Variants in ANK1 observed in about 807,000 individuals in gnomAD.
ANK1 encodes ankyrin 1, also known as ankyrin-1.
Under a neutral mutation model 210.4 loss-of-function variants are expected in ANK1, and 51 were observed. That is an observed-to-expected ratio of 0.24 (90% CI 0.19 to 0.31). The LOEUF is 0.31. Ranked by LOEUF, ANK1 falls within the 10% of genes least tolerant of loss-of-function variation. ANK1 has a pLI of 1.00. For synonymous variants in ANK1, 967 were observed against 1,025.9 expected, an observed-to-expected ratio of 0.94 and a Z score of 1.10; for missense variants, 2,051 against 2,504.4, an observed-to-expected ratio of 0.82 and a Z score of 3.86.
At chr8:41,837,864 C>T (rs1185845787) in intron 1 of ANK1, among the ~76,000 whole-genome samples, 1 of 151,312 alleles carries the variant, frequency 6.6e-6, no homozygotes, top group Non-Finnish European at 1.5e-5. Context: ...GAGCGAGACG[C>T]ATCTCAAAAA....
rs539604804 is a variant in ANK1, at chr8:41,774,737, G to A, written c.28-16600C>T. On this transcript the variant is annotated intron_variant, in intron 1 of 42. Transcript: ENST00000289734. Reference sequence around the variant, plus strand: ...CCTAAATAGAATTCCAAGTGCACCCGCATCACCAAGCACCCTGGCCCACGC... The same window carrying A: ...CCTAAATAGAATTCCAAGTGCACCCACATCACCAAGCACCCTGGCCCACGC... Among the ~76,000 whole-genome samples, 53 of 152,330 alleles carry A rather than the reference G, an allele frequency of 3.5e-4. 1 individual carries two copies. Among genetic ancestry groups the A allele is most frequent in the Middle Eastern group, 3.4e-3 (1 of 294 alleles).
intron 1 of ANK1, among the ~76,000 whole-genome samples, chr8:41,804,591 G>A (rs565004448): frequency 2.2e-4 from 33 of 152,096 alleles, no homozygotes; most frequent in Admixed American, 1.9e-3. Context: ...TTAATTGCCC[G>A]CAAAATAATC....
chr8:41,795,466 AC>A (rs1414692989), intron 1 of ANK1, among the ~76,000 whole-genome samples: 4 of 152,090 alleles, frequency 2.6e-5, no homozygotes, highest in African/African-American at 9.7e-5. Context: ...CCAACATCAC[AC>A]CACTGCACTC....
chr8:41,795,382 A>C (rs1327503046), intron 1 of ANK1, among the ~76,000 whole-genome samples: 1 of 152,106 alleles, frequency 6.6e-6, no homozygotes, highest in Non-Finnish European at 1.5e-5. Flanking sequence ...GGTGGCACGC[A>C]CTTGTAGTCC....
chr8:41,888,574 C>T (rs10504046), intron 1 of ANK1, among the ~76,000 whole-genome samples: 36,021 of 152,126 alleles, frequency 0.24, 4,519 homozygotes, highest in Non-Finnish European at 0.26. Flanking sequence ...AGCTAAAGGC[C>T]CAGATAACAG....
intron 1 of ANK1, among the ~76,000 whole-genome samples, chr8:41,861,592 C>G (rs1404567671): frequency 1.3e-5 from 2 of 152,232 alleles, no homozygotes; most frequent in Non-Finnish European, 2.9e-5. Context: ...GTGGTGAGTG[C>G]TCACTCGGTG....
intron 1 of ANK1, among the ~76,000 whole-genome samples, chr8:41,780,329 C>G (rs1586897038): frequency 6.6e-6 from 1 of 152,220 alleles, no homozygotes; most frequent in African/African-American, 2.4e-5. Flanking sequence ...CCAGCCTCTT[C>G]TTGATTTTTG....
rs1426799357 is a variant in ANK1, at chr8:41,696,435, G to A, written c.2888C>T (p.Pro963Leu). Residue 963 changes from proline to leucine, a missense_variant, in exon 26 of 43, where the codon CCC becomes CTC. Transcript: ENST00000289734. ...LVKPQKLSTP[P>L]PLAEEEGLAS... Reference sequence around the variant, plus strand: ...CAGGCCCTCCTCCTCGGCCAGTGGGGGCGGCGTGCTGAGCTTCTGGGGCTT... The same window carrying A: ...CAGGCCCTCCTCCTCGGCCAGTGGGAGCGGCGTGCTGAGCTTCTGGGGCTT... 2 of 1,613,282 alleles carry A rather than the reference G, an allele frequency of 1.2e-6. No homozygotes were observed. The highest frequency in any genetic ancestry group is 1.7e-6 in the Non-Finnish European group (2 of 1,179,844).
chr8:41,781,678 G>C (rs528876826), intron 1 of ANK1, among the ~76,000 whole-genome samples: 2 of 152,330 alleles, frequency 1.3e-5, no homozygotes, highest in Admixed American at 6.5e-5. Context: ...CACCCCACTG[G>C]AGTCTGCACA....
chr8:41,696,359 T>TCAC lies in ANK1; in HGVS notation c.2960+1_2960+3dup. ...GAGAACACGGGCTGCCCGCGCAAGC[T>TCAC]CACCTCAGGAACTGTGCCCCCGTGG... is the stretch of plus-strand genomic sequence containing the variant. On this transcript the variant is annotated splice_donor_region_variant and intron_variant, in intron 26 of 42. Coordinates refer to ENST00000289734, the MANE Select transcript of ANK1 (RefSeq NM_000037.4). The TCAC allele has an allele frequency of 6.2e-7, 1 of 1,613,122 alleles. No individual in the cohort carries two copies. The highest frequency in any genetic ancestry group is 8.5e-7 in the Non-Finnish European group (1 of 1,179,928).
At chr8:41,690,989 A>T (rs1485143920) in intron 31 of ANK1, among the ~76,000 whole-genome samples, 1 of 152,196 alleles carries the variant, frequency 6.6e-6, no homozygotes, top group Non-Finnish European at 1.5e-5. Context: ...TTAGAAGGCC[A>T]AAGTGGGAAG....
intron 1 of ANK1, among the ~76,000 whole-genome samples, chr8:41,847,926 T>G (rs1458224422): frequency 6.6e-6 from 1 of 152,164 alleles, no homozygotes; most frequent in Non-Finnish European, 1.5e-5. Context: ...CCCAGCACTT[T>G]GGGAGGCCGA....
intron 2 of ANK1, among the ~76,000 whole-genome samples, chr8:41,749,068 C>T (rs1016304033): frequency 4.6e-5 from 7 of 151,778 alleles, no homozygotes; most frequent in East Asian, 1.9e-4. Context: ...AATGATTACA[C>T]GGACAAAAAC....
intron 1 of ANK1, among the ~76,000 whole-genome samples, chr8:41,812,992 C>T (rs1802736844): frequency 6.6e-6 from 1 of 152,216 alleles, no homozygotes; most frequent in East Asian, 1.9e-4. Flanking sequence ...TTTTTAAGTC[C>T]AGAAACTGAG....
chr8:41,895,623 C>T (rs575101360), intron 1 of ANK1, among the ~76,000 whole-genome samples: 5 of 152,242 alleles, frequency 3.3e-5, no homozygotes, highest in African/African-American at 1.2e-4. Flanking sequence ...TCTGACCAGG[C>T]CTTTGGGCCA....
chr8:41,892,507 T>G (rs1819650174), intron 1 of ANK1, among the ~76,000 whole-genome samples: 1 of 152,204 alleles, frequency 6.6e-6, no homozygotes. Context: ...GTGCAAACAC[T>G]GTTGTTGTTA....
In ANK1 at chr8:41,704,554, AAG is replaced by A; in HGVS notation, c.2098-84_2098-83del. 1 of 1,257,216 alleles carries A rather than the reference AAG, an allele frequency of 8.0e-7. No individual in the cohort carries two copies. The highest frequency in any genetic ancestry group is 1.7e-5 in the Admixed American group (1 of 57,342). The allele number at this position is 1,257,216 out of a possible 1,614,324, so 77.9% of individuals were successfully genotyped here. A position where few individuals can be genotyped will look rare whatever the true frequency, so the allele number is the denominator to read the frequency against. On this transcript the variant is annotated intron_variant, in intron 18 of 42. Coordinates refer to ENST00000289734, the MANE Select transcript of ANK1 (RefSeq NM_000037.4). This position sits in a 1 kb window ranked among gnomAD's most constrained non-coding sequence, Gnocchi z 4.1. ...AATCCTTCCCAAAGCAGCTGATTCA[AAG>A]AGAGAACGGACAGGGAGCCCCTTGA...
At chr8:41,664,033 T>C in intron 39 of ANK1, 2 of 562,592 alleles carry the variant, frequency 3.6e-6, no homozygotes, top group South Asian at 3.1e-5. Flanking sequence ...TATGCAAGTC[T>C]GACGGAGGAG....
At position 41,838,663 on chromosome 8, in the gene ANK1, G is replaced by A. The variant is rs1277559707; in HGVS notation, c.126+57692C>T. On this transcript the variant is annotated intron_variant, in intron 1 of 42. Transcript: ENST00000265709. ...TGCCTGTAATCCCAGCTACTCAGGA[G>A]GCTGGGCAGGAGAATCGCTTGAACC... Among the ~76,000 whole-genome samples, 6 of 151,968 alleles carry A rather than the reference G, an allele frequency of 3.9e-5. No homozygotes were observed. The East Asian group carries it at 7.7e-4, about 20-fold the overall frequency.
Sources: gnomAD v4.1 joint callset for allele counts (sites outside exome capture counted in the v4.1 genomes callset) on GRCh38, gnomAD v4.1.1 for gene constraint, Gnocchi (gnomAD v3.1) non-coding constraint, MANE v1.5 for transcripts, NCBI Gene and HGNC (gene_info 2026-07-23, HGNC 2026-07-21) for gene names.